The following RPL9 variants were observed in gnomAD, a reference collection of about 807,000 sequenced individuals.
RPL9 encodes the protein ribosomal protein L9.
For synonymous variants in RPL9, 82 were observed against 77.1 expected (o/e 1.06, Z -0.33); for missense variants, 149 against 236.7 (o/e 0.63, Z 2.43).
At chr4:39,457,903 CCTA>C in intron 3 of RPL9, 1 of 623,754 alleles carries the variant, frequency 1.6e-6, no homozygotes, top group South Asian at 1.9e-5. Flanking sequence ...GTTTAAATGA[CCTA>C]CTGCCGGTTC....
At chr4:39,454,825 A>G (rs749127050) in intron 6 of RPL9, 39 bp downstream of exon 6, 1 of 1,591,044 alleles carries the variant, frequency 6.3e-7, no homozygotes, top group South Asian at 1.1e-5. Flanking sequence ...ATTTAGACAA[A>G]ATCTTGTAGG....
chr4:39,457,824 A>T (rs930065473), intron 3 of RPL9, 143 bp from the exon 4 acceptor site: 4 of 712,864 alleles, frequency 5.6e-6, no homozygotes, highest in Non-Finnish European at 9.7e-6. Context: ...AACCACCTAT[A>T]AAACCTCCCA....
intron 6 of RPL9, 63 bp downstream of exon 6, chr4:39,454,801 G>A: frequency 1.3e-6 from 2 of 1,546,848 alleles, no homozygotes; most frequent in Non-Finnish European, 1.8e-6. Context: ...GCAAAATACT[G>A]TATTTTAAAC....
intron 5 of RPL9, chr4:39,455,847 C>G: frequency 5.7e-6 from 1 of 176,574 alleles, no homozygotes; most frequent in Non-Finnish European, 1.2e-5. Context: ...TGTTGTTTTT[C>G]AACTTTAACT....
chr4:39,455,023 A>G, intron 5 of RPL9, 79 bp from the exon 6 acceptor site: 2 of 1,361,682 alleles, frequency 1.5e-6, no homozygotes, highest in Non-Finnish European at 2.0e-6. Flanking sequence ...AATTTATTCC[A>G]TGTAAAACTC....
chr4:39,458,032 A>G (rs949703167), intron 3 of RPL9, 162 bp downstream of exon 3: 1 of 761,786 alleles, frequency 1.3e-6, no homozygotes, highest in African/African-American at 1.7e-5. Context: ...TGTGTTCAGA[A>G]TCTGGTTTTT....
intron 4 of RPL9, 94 bp from the exon 5 acceptor site, chr4:39,456,632 G>C (rs896386435): frequency 1.4e-5 from 19 of 1,357,126 alleles, no homozygotes; most frequent in East Asian, 5.0e-5. Context: ...ATTTTAAAAC[G>C]TAACACTCAC....
intron 3 of RPL9, 195 bp from the exon 4 acceptor site, chr4:39,457,876 G>C: frequency 1.6e-6 from 1 of 629,154 alleles, no homozygotes; most frequent in South Asian, 1.9e-5. Flanking sequence ...TTCCCTTCTG[G>C]AAAATTAAAT....
chr4:39,457,724 G>A, intron 3 of RPL9, 43 bp from the exon 4 acceptor site: 3 of 1,486,358 alleles, frequency 2.0e-6, no homozygotes, highest in Non-Finnish European at 1.9e-6. Context: ...AAATATGCAG[G>A]CTTAAAAGAC....
chr4:39,458,867 C>G (rs376007055), intron 1 of RPL9, 24 bp downstream of exon 1: 1 of 698,622 alleles, frequency 1.4e-6, no homozygotes, highest in Non-Finnish European at 2.6e-6. Context: ...CCCAGTACCC[C>G]CACGAGCACA....
Position 39,454,910 on chromosome 4 carries a change from A to G in RPL9, c.426T>C (p.Asp142=), listed in dbSNP as rs989296781. The G allele has an allele frequency of 6.2e-7, 1 of 1,614,070 alleles. No individual in the cohort carries two copies. Among genetic ancestry groups the G allele is most frequent in the African/African-American group, 1.3e-5 (1 of 75,062 alleles). ...VACSVSQAQK[D]ELILEGNDIE... ...TGTCATTTCCTTCAAGGATTAATTC[A>G]TCTTTCTGGGCTTGAGATACTGAAC... Residue 142 remains aspartate, a synonymous_variant, in exon 6 of 8, where the codon GAT becomes GAC. Coordinates refer to ENST00000295955, the MANE Select transcript of RPL9 (RefSeq NM_000661.5).
chr4:39,454,229 T>TA lies in RPL9; in HGVS notation c.*11-5dup, dbSNP rs1410690575. 3 of 193,586 alleles carry TA rather than the reference T, an allele frequency of 1.5e-5. No homozygotes were observed. Among genetic ancestry groups the TA allele is most frequent in the Admixed American group, 5.5e-5 (1 of 18,186 alleles). 12.0% of individuals were successfully genotyped at this position (193,586 alleles called of 1,614,324 possible). A position where few individuals can be genotyped will look rare whatever the true frequency, so the allele number is the denominator to read the frequency against. On this transcript the variant is annotated splice_region_variant and splice_polypyrimidine_tract_variant and intron_variant, in intron 7 of 7. Transcript: ENST00000295955. ...TCTTCTTTCTGTAGCCAGGTAACTG[T>TA]AAAAAAAGAAAAAAAATCTGTAAAT...
Position 39,458,904 on chromosome 4 carries a change from C to T in RPL9, c.-15G>A, listed in dbSNP as rs540003300. 1.6e-5 allele frequency: 11 copies of T among 706,610 alleles called. No homozygotes were observed. Among genetic ancestry groups the T allele is most frequent in the South Asian group, 1.0e-4 (7 of 67,228 alleles). 43.8% of individuals were successfully genotyped at this position (706,610 alleles called of 1,614,324 possible). A position where few individuals can be genotyped will look rare whatever the true frequency, so the allele number is the denominator to read the frequency against. On this transcript the variant is annotated 5_prime_UTR_variant, in exon 1 of 8. Coordinates refer to ENST00000295955, the MANE Select transcript of RPL9 (RefSeq NM_000661.5). ...AAACATCCTTACCTCGCAGTAGACG[C>T]AGCAAAGAAAGAACGTCTGTCGTCA...
intron 4 of RPL9, chr4:39,457,063 A>G (rs1208190521): frequency 3.1e-5 from 5 of 160,582 alleles, no homozygotes; most frequent in Non-Finnish European, 5.5e-5. Flanking sequence ...TGGAAAGAAT[A>G]ATGACATACA....
At chr4:39,456,642 C>T (rs1578224110) in intron 4 of RPL9, 104 bp from the exon 5 acceptor site, 4 of 1,256,308 alleles carry the variant, frequency 3.2e-6, no homozygotes, top group Admixed American at 2.4e-5. Flanking sequence ...GTAACACTCA[C>T]TGCCAAGATT....
At chr4:39,457,020 G>A (rs1744112191) in intron 4 of RPL9, 1 of 160,066 alleles carries the variant, frequency 6.2e-6, no homozygotes, top group Non-Finnish European at 1.4e-5. Flanking sequence ...ATTTCAGCAT[G>A]AACTTTTTAT....
At chr4:39,454,768 A>G in intron 6 of RPL9, 96 bp downstream of exon 6, 1 of 1,471,964 alleles carries the variant, frequency 6.8e-7, no homozygotes. Flanking sequence ...TCACAATTTA[A>G]AAAGCTAATC....
intron 3 of RPL9, chr4:39,457,948 A>G: frequency 1.6e-6 from 1 of 642,766 alleles, no homozygotes; most frequent in Non-Finnish European, 2.8e-6. Context: ...CACTAGGAAA[A>G]TAAACCAAAC....
intron 5 of RPL9, 158 bp downstream of exon 5, chr4:39,456,248 G>GT (rs199691089): frequency 2.8e-5 from 20 of 711,556 alleles, no homozygotes; most frequent in African/African-American, 8.9e-5. Context: ...AGCACCAACA[G>GT]TTTAAGTGTA....
Sources: allele counts gnomAD v4.1 joint callset, GRCh38; gene constraint gnomAD v4.1.1; transcripts MANE v1.5; gene names NCBI Gene and HGNC (gene_info 2026-07-23, HGNC 2026-07-21).